DPP6: variants seen among roughly 807,000 people sequenced by gnomAD.
DPP6 encodes the protein dipeptidyl peptidase like 6, also known as A-type potassium channel modulatory protein DPP6.
A neutral mutation model predicts 122.6 loss-of-function variants in DPP6; 69 were observed. The observed-to-expected ratio is 0.56, with a 90% CI of 0.46 to 0.69. DPP6 has a LOEUF of 0.69. Among genes scored for constraint, DPP6 ranks in the 30% least tolerant of loss-of-function variants. The pLI is 0.00. For missense variants in DPP6, 928 were observed against 1,116.9 expected (o/e 0.83, Z 2.41); for synonymous variants, 418 against 433.1 (o/e 0.97, Z 0.43).
chr7:154,408,994 T>A (rs1816364782), intron 1 of DPP6, among the ~76,000 whole-genome samples: 1 of 152,076 alleles, frequency 6.6e-6, no homozygotes, highest in Non-Finnish European at 1.5e-5. Flanking sequence ...AGTAAAAAAA[T>A]TAGCCAGGTG....
chr7:154,043,313 A>G (rs574882188), intron 1 of DPP6, among the ~76,000 whole-genome samples: 1 of 145,496 alleles, frequency 6.9e-6, no homozygotes, highest in South Asian at 2.2e-4. Context: ...GAATCACTTG[A>G]ACCGGGCAGG....
At chr7:154,595,193 T>A (rs1007394589) in intron 5 of DPP6, among the ~76,000 whole-genome samples, 3 of 152,154 alleles carry the variant, frequency 2.0e-5, no homozygotes, top group Non-Finnish European at 4.4e-5. Flanking sequence ...CATCTTCCCC[T>A]TCTCCGTTGC....
intron 8 of DPP6, among the ~76,000 whole-genome samples, chr7:154,762,242 A>C (rs1795604271): frequency 6.6e-6 from 1 of 152,164 alleles, no homozygotes; most frequent in Admixed American, 6.5e-5. Flanking sequence ...CATTCTCTTC[A>C]TTCAAAACAC....
chr7:154,658,858 A>T (rs1005571907), intron 6 of DPP6, among the ~76,000 whole-genome samples: 45 of 152,228 alleles, frequency 3.0e-4, no homozygotes, highest in Non-Finnish European at 4.4e-5. Flanking sequence ...GAGACATTGC[A>T]TTTGTCATTC....
intron 7 of DPP6, among the ~76,000 whole-genome samples, chr7:154,697,397 A>G (rs1840281727): frequency 6.6e-6 from 1 of 152,208 alleles, no homozygotes; most frequent in Non-Finnish European, 1.5e-5. Flanking sequence ...GTAGGCCTCC[A>G]GAGCCAAGAC....
At chr7:154,350,176 G>A (rs997033871) in intron 1 of DPP6, among the ~76,000 whole-genome samples, 12 of 152,210 alleles carry the variant, frequency 7.9e-5, no homozygotes, top group East Asian at 1.9e-4. Context: ...TATGGTTGAT[G>A]GACATGTGGT....
At chr7:154,631,372 G>T (rs9642649) in intron 5 of DPP6, among the ~76,000 whole-genome samples, 18,435 of 152,246 alleles carry the variant, frequency 0.12, 1,175 homozygotes, top group African/African-American at 0.16. Flanking sequence ...TCAGAAAGAT[G>T]CCACGTGTTT....
intron 1 of DPP6, among the ~76,000 whole-genome samples, chr7:153,916,602 T>A (rs1392461843): frequency 2.0e-5 from 3 of 151,382 alleles, no homozygotes; most frequent in Admixed American, 6.6e-5. Flanking sequence ...AGAAACGGGG[T>A]TTCACTGTGT....
chr7:154,630,048 C>G (rs112556182), intron 5 of DPP6, among the ~76,000 whole-genome samples: 1,943 of 152,276 alleles, frequency 0.013, 29 homozygotes, highest in Middle Eastern at 0.051. Flanking sequence ...CCTCACAACC[C>G]TTAGCCCTGT....
At chr7:154,823,157 T>G (rs1384820001) in intron 16 of DPP6, among the ~76,000 whole-genome samples, 1 of 152,094 alleles carries the variant, frequency 6.6e-6, no homozygotes, top group Non-Finnish European at 1.5e-5. Flanking sequence ...AAGACATTAT[T>G]TTTTTTGCCC....
At chr7:153,952,045 A>AAAAG (rs1177112722) in intron 1 of DPP6, among the ~76,000 whole-genome samples, 5 of 152,176 alleles carry the variant, frequency 3.3e-5, no homozygotes, top group Non-Finnish European at 7.3e-5. Flanking sequence ...TCTGTCTCAA[A>AAAAG]AAAGAAAGAA....
At chr7:154,326,695 A>G (rs1808474672) in intron 1 of DPP6, among the ~76,000 whole-genome samples, 1 of 152,262 alleles carries the variant, frequency 6.6e-6, no homozygotes, top group Non-Finnish European at 1.5e-5. Flanking sequence ...TACAATCTGT[A>G]TAGTTGTTAC....
the DPP6 span, among the ~76,000 whole-genome samples, chr7:153,791,424 C>CTTTTTTTTTTTTTTTT: frequency 4.0e-3 from 362 of 91,602 alleles, 42 homozygotes; most frequent in African/African-American, 5.1e-3. Context: ...TCCTTCCTTT[C>CTTTTTTTTTTTTTTTT]TTTTTTTTTT....
chr7:153,790,812 C>G, the DPP6 span, among the ~76,000 whole-genome samples: 26 of 152,248 alleles, frequency 1.7e-4, no homozygotes, highest in Admixed American at 3.3e-4. Context: ...GCTGTAATCA[C>G]TTAATTAGAG....
At chr7:153,809,116 C>A in the DPP6 span, among the ~76,000 whole-genome samples, 7 of 152,128 alleles carry the variant, frequency 4.6e-5, no homozygotes, top group East Asian at 1.4e-3. Flanking sequence ...TGTCACATTG[C>A]AGTTTTGATT....
chr7:154,309,075 C>T (rs775503453), intron 1 of DPP6, among the ~76,000 whole-genome samples: 8 of 152,212 alleles, frequency 5.3e-5, no homozygotes, highest in South Asian at 2.1e-4. Context: ...TTCATGCTCT[C>T]GTGCTGAGGA....
the DPP6 span, among the ~76,000 whole-genome samples, chr7:153,852,961 G>A: frequency 6.6e-6 from 1 of 152,140 alleles, no homozygotes; most frequent in Non-Finnish European, 1.5e-5. Flanking sequence ...AGTATCAAGA[G>A]CTAATTTTCA....
intron 1 of DPP6, among the ~76,000 whole-genome samples, chr7:153,911,915 A>G (rs1038379570): frequency 1.3e-5 from 2 of 152,232 alleles, no homozygotes; most frequent in Non-Finnish European, 2.9e-5. Flanking sequence ...TAGTAAGGTG[A>G]TAATCCAAAT....
At chr7:154,267,724 C>T (rs1803526300) in intron 1 of DPP6, among the ~76,000 whole-genome samples, 1 of 118,696 alleles carries the variant, frequency 8.4e-6, no homozygotes, top group Admixed American at 9.1e-5. Flanking sequence ...TGCACACATA[C>T]ATATATATGT....
Sources: allele counts gnomAD v4.1 joint callset (sites outside exome capture counted in the v4.1 genomes callset), GRCh38; gene constraint gnomAD v4.1.1; transcripts MANE v1.5; gene names NCBI Gene and HGNC (gene_info 2026-07-23, HGNC 2026-07-21).